U2SURP: variants seen among roughly 807,000 people sequenced by gnomAD.
U2SURP encodes U2 snRNP-associated SURP motif-containing protein.
In U2SURP, 9 loss-of-function variants were observed where a neutral mutation model predicts 144.9. The observed-to-expected ratio is 0.06, with a 90% CI of 0.04 to 0.11. The LOEUF (loss-of-function observed/expected upper bound fraction) is 0.11, where lower values mean the gene tolerates loss of function less well. U2SURP is among the 10% of genes least tolerant of loss of function. The pLI is 1.00. For missense variants in U2SURP, 724 were observed against 1,226.7 expected, an observed-to-expected ratio of 0.59 and a Z score of 6.12; for synonymous variants, 408 against 396.8, an observed-to-expected ratio of 1.03 and a Z score of -0.33.
At chr3:143,032,156 T>C (rs1933539391) in intron 16 of U2SURP, among the ~76,000 whole-genome samples, 1 of 151,938 alleles carries the variant, frequency 6.6e-6, no homozygotes, top group Non-Finnish European at 1.5e-5. Context: ...CACTGCAACC[T>C]CTGCCTCCCA....
At chr3:143,021,583 T>G (rs1457398895) in intron 10 of U2SURP, 28 bp downstream of exon 10, 1 of 1,584,206 alleles carries the variant, frequency 6.3e-7, no homozygotes, top group African/African-American at 1.3e-5. Flanking sequence ...GAATGTTGAT[T>G]GATATGCTTT....
At chr3:143,050,640 C>T (rs940212083) in intron 24 of U2SURP, among the ~76,000 whole-genome samples, 2 of 152,092 alleles carry the variant, frequency 1.3e-5, no homozygotes, top group Admixed American at 1.3e-4. Context: ...AGCAACCTTG[C>T]TTTTCTAATT....
rs1284530916 is a variant in U2SURP at position 143,047,291 on chromosome 3, C to G, written c.2545-3648C>G. Among the ~76,000 whole-genome samples the G allele has an allele frequency of 2.8e-4, 12 of 43,504 alleles. 1 individual carries two copies. The highest frequency in any genetic ancestry group is 1.6e-3 in the East Asian group (2 of 1,266). The allele number at this position is 43,504 out of a possible 152,430, so 28.5% of individuals were successfully genotyped here. ...GGGGGGCTGACCCCCCCACCTCCCT[C>G]CCGGACGGGGCGGCTGGCCGGGCAG... On this transcript the variant is annotated intron_variant, in intron 24 of 27. Transcript: ENST00000473835.
At chr3:143,025,262 A>G (rs1015823292) in intron 13 of U2SURP, among the ~76,000 whole-genome samples, 5 of 152,226 alleles carry the variant, frequency 3.3e-5, no homozygotes, top group Non-Finnish European at 7.4e-5. Flanking sequence ...TAGCATTCAA[A>G]AAAAGCACAT....
Position 143,047,882 on chromosome 3 carries a change from A to ACCC in U2SURP, c.2545-3051_2545-3049dup, listed in dbSNP as rs139906758. On this transcript the variant is annotated intron_variant, in intron 24 of 27. Coordinates refer to ENST00000473835, the MANE Select transcript of U2SURP (RefSeq NM_001080415.2). ...GGGCGGCTGGCCGGGCGGGGGGCTG[A>ACCC]CCCCCCCCAACCTCCCTCCCGGACG... 1.1e-3 allele frequency among the ~76,000 whole-genome samples: 159 copies of ACCC among 140,428 alleles called. 3 individuals carry two copies. Among genetic ancestry groups the ACCC allele is most frequent in the Middle Eastern group, 7.5e-3 (2 of 266 alleles). 92.1% of individuals were successfully genotyped at this position (140,428 alleles called of 152,430 possible). A position where few individuals can be genotyped will look rare whatever the true frequency, so the allele number is the denominator to read the frequency against.
chr3:143,009,790 T>C (rs1031080456), intron 1 of U2SURP, among the ~76,000 whole-genome samples: 2 of 152,166 alleles, frequency 1.3e-5, no homozygotes, highest in Non-Finnish European at 2.9e-5. Context: ...AAAACAATAC[T>C]GTATGGATCT....
chr3:143,014,242 G>A, intron 3 of U2SURP, 69 bp from the exon 4 acceptor site: 1 of 1,002,132 alleles, frequency 1.0e-6, no homozygotes, highest in Non-Finnish European at 1.4e-6. Context: ...TTAGTTATCA[G>A]TTGATGTGTA....
intron 1 of U2SURP, among the ~76,000 whole-genome samples, chr3:143,003,348 TAAC>T (rs1297166448): frequency 6.6e-6 from 1 of 152,342 alleles, no homozygotes; most frequent in Non-Finnish European, 1.5e-5. Flanking sequence ...TGAATTTTGT[TAAC>T]AAGAGATTTG....
At chr3:143,049,566 C>G (rs1337154639) in intron 24 of U2SURP, among the ~76,000 whole-genome samples, 1 of 152,112 alleles carries the variant, frequency 6.6e-6, no homozygotes, top group Non-Finnish European at 1.5e-5. Flanking sequence ...GATCCATGTG[C>G]TTTCTACCAC....
chr3:143,019,858 ATAAT>A, intron 6 of U2SURP, 107 bp from the exon 7 acceptor site: 1 of 466,430 alleles, frequency 2.1e-6, no homozygotes, highest in Non-Finnish European at 3.6e-6. Flanking sequence ...TTTAATTTAA[ATAAT>A]TAGAACATAC....
At chr3:143,019,470 G>GT (rs1348681923) in intron 6 of U2SURP, among the ~76,000 whole-genome samples, 1 of 152,196 alleles carries the variant, frequency 6.6e-6, no homozygotes, top group African/African-American at 2.4e-5. Flanking sequence ...ATGGTGTAAA[G>GT]TAGAAGTCCA....
At chr3:143,010,769 G>T in intron 1 of U2SURP, 46 bp from the exon 2 acceptor site, 3 of 1,473,446 alleles carry the variant, frequency 2.0e-6, no homozygotes, top group Non-Finnish European at 2.8e-6. Context: ...TGTTTTGTTA[G>T]TATAAGACAT....
chr3:143,051,750 G>A (rs1934877820), intron 25 of U2SURP, among the ~76,000 whole-genome samples: 1 of 152,080 alleles, frequency 6.6e-6, no homozygotes, highest in Non-Finnish European at 1.5e-5. Flanking sequence ...AAGCAACTGT[G>A]GTGCTGCTCA....
chr3:143,048,326 G>T (rs1368685012), intron 24 of U2SURP, among the ~76,000 whole-genome samples: 1 of 152,116 alleles, frequency 6.6e-6, no homozygotes, highest in Admixed American at 6.5e-5. Flanking sequence ...ATTATCTTAG[G>T]AATCCCTTCT....
At position 143,038,100 on chromosome 3, in the gene U2SURP, C is replaced by T. The variant is rs142651683; in HGVS notation, c.2222-8C>T. The T allele has an allele frequency of 1.3e-6, 2 of 1,591,468 alleles. No individual in the cohort carries two copies. The highest frequency in any genetic ancestry group is 3.5e-5 in the Admixed American group (2 of 57,354). On this transcript the variant is annotated splice_region_variant and splice_polypyrimidine_tract_variant and intron_variant, in intron 21 of 27. Coordinates refer to ENST00000473835, the MANE Select transcript of U2SURP (RefSeq NM_001080415.2). ...AGTCAGGGTTAATGGCTTATCTTTC[C>T]CTAATAGTGGATGCAACTGAAGACT...
intron 20 of U2SURP, among the ~76,000 whole-genome samples, chr3:143,036,457 A>G (rs768257345): frequency 6.6e-6 from 1 of 152,220 alleles, no homozygotes; most frequent in Admixed American, 6.5e-5. Flanking sequence ...GCATGAAAAG[A>G]TGCATCACAT....
At chr3:143,011,082 T>C (rs1301381678) in intron 2 of U2SURP, among the ~76,000 whole-genome samples, 3 of 152,148 alleles carry the variant, frequency 2.0e-5, no homozygotes, top group African/African-American at 7.2e-5. Context: ...TATTTCCTTA[T>C]GATTTTTATT....
chr3:143,026,220 C>G (rs1249116615), intron 13 of U2SURP: 1 of 152,066 alleles, frequency 6.6e-6, no homozygotes, highest in Admixed American at 6.6e-5. Context: ...TTTTAGGACC[C>G]AGCTTCAGAT....
chr3:143,039,001 T>G, intron 23 of U2SURP, 41 bp downstream of exon 23: 1 of 1,293,578 alleles, frequency 7.7e-7, no homozygotes, highest in East Asian at 2.9e-5. Flanking sequence ...CTTGTTCATA[T>G]ACACTCCCCT....
Sources: allele counts gnomAD v4.1 joint callset (sites outside exome capture counted in the v4.1 genomes callset), GRCh38; gene constraint gnomAD v4.1.1; transcripts MANE v1.5; gene names NCBI Gene and HGNC (gene_info 2026-07-23, HGNC 2026-07-21).